Variants in CLMP observed in about 807,000 individuals in gnomAD.
The protein encoded by CLMP is CXADR-like membrane protein.
A neutral mutation model predicts 45.2 loss-of-function variants in CLMP; 27 were observed. That is an observed-to-expected ratio of 0.60 (90% confidence interval 0.44 to 0.82). The LOEUF is 0.82. Among genes scored for constraint, CLMP ranks in the 40% least tolerant of loss-of-function variants. CLMP has a pLI of 0.00. For missense variants in CLMP, 403 were observed against 448.4 expected (o/e 0.90, Z 0.91); for synonymous variants, 167 against 171.4 (o/e 0.97, Z 0.20).
intron 1 of CLMP, among the ~76,000 whole-genome samples, chr11:123,108,387 G>A (rs12283819): frequency 0.1 from 15,656 of 152,242 alleles, 891 homozygotes; most frequent in East Asian, 0.17. Context: ...ACATCTGGGA[G>A]TCAATACAGT....
chr11:123,085,595 T>TAAAAAAAA (rs35921171), intron 2 of CLMP, among the ~76,000 whole-genome samples: 26 of 82,042 alleles, frequency 3.2e-4, no homozygotes, highest in Non-Finnish European at 4.2e-4. Flanking sequence ...GCTACAAAGA[T>TAAAAAAAA]AAAAAAAAAA....
intron 1 of CLMP, among the ~76,000 whole-genome samples, chr11:123,137,960 AT>A (rs200996715): frequency 6.0e-5 from 9 of 149,354 alleles, no homozygotes; most frequent in East Asian, 2.0e-4. Context: ...TAGTAATTTT[AT>A]TTTTTTTTTA....
intron 1 of CLMP, among the ~76,000 whole-genome samples, chr11:123,182,854 C>A (rs185759811): frequency 1.5e-3 from 226 of 152,328 alleles, no homozygotes; most frequent in Admixed American, 3.9e-3. Flanking sequence ...CTCACGCACC[C>A]TCCAGCCTTT....
intron 2 of CLMP, among the ~76,000 whole-genome samples, chr11:123,096,575 G>C (rs7122728): frequency 6.6e-6 from 1 of 152,048 alleles, no homozygotes; most frequent in Non-Finnish European, 1.5e-5. Context: ...AAGTGACCTC[G>C]CTCTACAGAG....
chr11:123,089,780 AAAAAAAAAAAAAAG>A (rs1339227376), intron 2 of CLMP, among the ~76,000 whole-genome samples: 33 of 134,034 alleles, frequency 2.5e-4, no homozygotes, highest in African/African-American at 8.9e-4. Flanking sequence ...CCATCTCAAA[AAAAAAAAAAAAAAG>A]AAAAAGAAAA....
At position 123,073,870 on chromosome 11, in the gene CLMP, A is replaced by G. The variant is rs898290278; in HGVS notation, c.822-96T>C. The G allele has an allele frequency of 2.3e-6, 3 of 1,319,752 alleles. No homozygotes were observed. The Admixed American group carries it at 7.5e-5, about 33-fold the overall frequency. 81.8% of individuals were successfully genotyped at this position (1,319,752 alleles called of 1,614,324 possible). A position where few individuals can be genotyped will look rare whatever the true frequency, so the allele number is the denominator to read the frequency against. On this transcript the variant is annotated intron_variant, in intron 6 of 6. Coordinates refer to ENST00000448775, the MANE Select transcript of CLMP (RefSeq NM_024769.5). ...TGAGGTTTCCGAAGCTGTGAACCTC[A>G]GATAATACCATCGGAAGGCAACCAT...
At chr11:123,101,712 T>G (rs998485423) in intron 1 of CLMP, among the ~76,000 whole-genome samples, 1 of 152,232 alleles carries the variant, frequency 6.6e-6, no homozygotes, top group Non-Finnish European at 1.5e-5. Context: ...CCTGGGCTAT[T>G]GGGCCAAGCT....
At chr11:123,140,102 G>A (rs184851342) in intron 1 of CLMP, among the ~76,000 whole-genome samples, 1 of 152,156 alleles carries the variant, frequency 6.6e-6, no homozygotes, top group Non-Finnish European at 1.5e-5. Flanking sequence ...GGGCCAGTAC[G>A]CCTCCTAGTT....
chr11:123,089,505 C>T (rs1488341695), intron 2 of CLMP, among the ~76,000 whole-genome samples: 4 of 152,080 alleles, frequency 2.6e-5, no homozygotes, highest in Non-Finnish European at 4.4e-5. Flanking sequence ...GTGGCTCATG[C>T]CTGTAATCCC....
chr11:123,089,049 A>G (rs1444645019), intron 2 of CLMP, among the ~76,000 whole-genome samples: 1 of 152,234 alleles, frequency 6.6e-6, no homozygotes, highest in Non-Finnish European at 1.5e-5. Context: ...ACGCTAGAAC[A>G]GTACAGCAAG....
intron 1 of CLMP, among the ~76,000 whole-genome samples, chr11:123,132,610 C>A (rs1861006984): frequency 6.6e-6 from 1 of 151,940 alleles, no homozygotes; most frequent in East Asian, 1.9e-4. Flanking sequence ...AGGCGCCTGC[C>A]ACCACACCCA....
At chr11:123,169,842 G>A (rs1234731838) in intron 1 of CLMP, among the ~76,000 whole-genome samples, 2 of 152,158 alleles carry the variant, frequency 1.3e-5, no homozygotes, top group Non-Finnish European at 2.9e-5. Flanking sequence ...TGGGGGGTTT[G>A]TGGGCGGTGC....
intron 1 of CLMP, among the ~76,000 whole-genome samples, chr11:123,155,821 A>G (rs1481093736): frequency 6.6e-6 from 1 of 152,160 alleles, no homozygotes; most frequent in African/African-American, 2.4e-5. Flanking sequence ...CATAAAACAT[A>G]TTATGGCTTC....
At chr11:123,166,438 G>A (rs1018494897) in intron 1 of CLMP, among the ~76,000 whole-genome samples, 1 of 152,230 alleles carries the variant, frequency 6.6e-6, no homozygotes, top group Non-Finnish European at 1.5e-5. Flanking sequence ...CTGCTGCGTG[G>A]AATCCCAAAC....
intron 1 of CLMP, among the ~76,000 whole-genome samples, chr11:123,116,953 G>A (rs1860729169): frequency 1.3e-5 from 2 of 151,972 alleles, no homozygotes; most frequent in African/African-American, 4.8e-5. Context: ...TATTTATAGA[G>A]GATAAAAGGT....
At chr11:123,125,258 T>A (rs191054076) in intron 1 of CLMP, among the ~76,000 whole-genome samples, 113 of 152,258 alleles carry the variant, frequency 7.4e-4, no homozygotes, top group African/African-American at 2.5e-3. Flanking sequence ...CTGGGCTATG[T>A]CCCAAATCTC....
At chr11:123,083,298 G>A (rs368662212) in intron 4 of CLMP, 91 bp from the exon 5 acceptor site, 182 of 1,196,344 alleles carry the variant, frequency 1.5e-4, no homozygotes, top group South Asian at 4.6e-4. Flanking sequence ...CTGAGATTCC[G>A]TAATGCTATT....
chr11:123,081,295 A>C (rs2135466358), intron 5 of CLMP, among the ~76,000 whole-genome samples: 1 of 152,322 alleles, frequency 6.6e-6, no homozygotes, highest in Non-Finnish European at 1.5e-5. Context: ...ACAAAGATTA[A>C]TATCCATGCC....
At chr11:123,110,606 G>A (rs1224935479) in intron 1 of CLMP, among the ~76,000 whole-genome samples, 2 of 151,948 alleles carry the variant, frequency 1.3e-5, no homozygotes, top group African/African-American at 2.4e-5. Context: ...GCAACAGACC[G>A]AAACTTCTCA....
Sources: allele counts gnomAD v4.1 joint callset (sites outside exome capture counted in the v4.1 genomes callset), GRCh38; gene constraint gnomAD v4.1.1; transcripts MANE v1.5; gene names NCBI Gene and HGNC (gene_info 2026-07-23, HGNC 2026-07-21).